FAM13A: variants seen among roughly 807,000 people sequenced by gnomAD.
The protein encoded by FAM13A is protein FAM13A.
FAM13A carries 76 observed loss-of-function variants against 129.6 expected under a neutral mutation model. The ratio of observed to expected loss-of-function variants is 0.59; its 90% CI spans 0.49 to 0.71. FAM13A has a LOEUF of 0.71. Among genes scored for constraint, FAM13A ranks in the 30% least tolerant of loss-of-function variants. FAM13A has a pLI of 0.00. For missense variants in FAM13A, 1,108 were observed against 1,249.3 expected, an observed-to-expected ratio of 0.89 and a Z score of 1.70; for synonymous variants, 443 against 449.9, an observed-to-expected ratio of 0.98 and a Z score of 0.20.
chr4:89,040,834 C>T (rs1770017061), intron 1 of FAM13A, among the ~76,000 whole-genome samples: 1 of 152,110 alleles, frequency 6.6e-6, no homozygotes, highest in Admixed American at 6.5e-5. Flanking sequence ...AGTCAGTGGA[C>T]TGGGAGAGGC....
At chr4:88,818,141 G>A (rs555804246) in intron 7 of FAM13A, among the ~76,000 whole-genome samples, 2 of 134,034 alleles carry the variant, frequency 1.5e-5, no homozygotes, top group East Asian at 2.4e-4. Context: ...ATGCCAGCAC[G>A]CCCAGATAAT....
chr4:89,045,925 G>A (rs1317151198), intron 1 of FAM13A, among the ~76,000 whole-genome samples: 2 of 151,406 alleles, frequency 1.3e-5, no homozygotes, highest in African/African-American at 4.9e-5. Flanking sequence ...TCGGGAGGCT[G>A]AGGCACAAGA....
intron 3 of FAM13A, among the ~76,000 whole-genome samples, chr4:88,994,283 G>T (rs60706264): frequency 1.6e-3 from 247 of 152,248 alleles, no homozygotes; most frequent in African/African-American, 5.6e-3. Flanking sequence ...TTATTAGCAT[G>T]ACATTTTGCC....
At chr4:89,050,398 G>T (rs1392058867) in intron 1 of FAM13A, among the ~76,000 whole-genome samples, 1 of 151,800 alleles carries the variant, frequency 6.6e-6, no homozygotes. Context: ...TAGAGATGGG[G>T]TTTTGTCATG....
In FAM13A at chr4:88,749,780, C is replaced by G; in HGVS notation, c.2070G>C (p.Lys690Asn). The G allele has an allele frequency of 6.2e-7, 1 of 1,614,114 alleles. No individual in the cohort carries two copies. Among genetic ancestry groups the G allele is most frequent in the African/African-American group, 1.3e-5 (1 of 75,048 alleles). Residue 690 changes from lysine (K) to asparagine (N), a missense_variant, in exon 16 of 24, where the codon AAG becomes AAC. Lys to Asn is a moderately conservative substitution (Grantham distance 94). Transcript: ENST00000264344. ...RKFEDRFEEE[K>N]KYRPSHSDKA... ...GTGAGGGGACACTTACTCTGTACTT[C>G]TTCTCTTCTTCGAATCTATCTTCAA... is the stretch of plus-strand genomic sequence containing the variant.
intron 19 of FAM13A, among the ~76,000 whole-genome samples, chr4:88,739,786 C>CAAA (rs34007551): frequency 0.18 from 12,133 of 67,564 alleles, 1,288 homozygotes; most frequent in East Asian, 0.31. Context: ...GACTCTGTCT[C>CAAA]AAAAAAAAAA....
At chr4:88,971,040 C>G (rs1347248719) in intron 4 of FAM13A, among the ~76,000 whole-genome samples, 1 of 152,146 alleles carries the variant, frequency 6.6e-6, no homozygotes, top group African/African-American at 2.4e-5. Flanking sequence ...AACCCCATCT[C>G]TACTAAAAAT....
intron 5 of FAM13A, among the ~76,000 whole-genome samples, chr4:88,927,284 A>C (rs1752354861): frequency 6.6e-6 from 1 of 151,946 alleles, no homozygotes; most frequent in African/African-American, 2.4e-5. Flanking sequence ...GTATATAGAA[A>C]TGCTACTGAT....
chr4:88,982,934 T>C (rs987732720), intron 4 of FAM13A, among the ~76,000 whole-genome samples: 11 of 152,300 alleles, frequency 7.2e-5, no homozygotes, highest in African/African-American at 2.6e-4. Context: ...CTTCTGAGAC[T>C]ACACAATGTC....
intron 7 of FAM13A, among the ~76,000 whole-genome samples, chr4:88,815,446 G>T (rs1324875244): frequency 6.6e-6 from 1 of 152,098 alleles, no homozygotes; most frequent in African/African-American, 2.4e-5. Flanking sequence ...TGGTTCTGGA[G>T]TCCGTTATTT....
chr4:88,990,597 A>T (rs1762810466), intron 4 of FAM13A: 1 of 162,664 alleles, frequency 6.1e-6, no homozygotes, highest in Admixed American at 6.2e-5. Flanking sequence ...TTTTCCATCT[A>T]TTGGCAATAA....
intron 7 of FAM13A, among the ~76,000 whole-genome samples, chr4:88,837,987 G>A (rs1277032014): frequency 6.6e-6 from 1 of 152,100 alleles, no homozygotes; most frequent in Non-Finnish European, 1.5e-5. Context: ...TATTGAACAT[G>A]CACAGACTTT....
intron 6 of FAM13A, among the ~76,000 whole-genome samples, chr4:88,901,202 T>A (rs1373377588): frequency 6.6e-6 from 1 of 152,082 alleles, no homozygotes; most frequent in African/African-American, 2.4e-5. Flanking sequence ...GTAGGAGCTT[T>A]AACACTCCAC....
chr4:88,940,016 G>A, intron 4 of FAM13A, among the ~76,000 whole-genome samples: 1 of 152,208 alleles, frequency 6.6e-6, no homozygotes, highest in East Asian at 1.9e-4. Flanking sequence ...CAGTTAAGTT[G>A]TGCCCAGATT....
At chr4:88,852,634 GT>G (rs549995704) in intron 6 of FAM13A, among the ~76,000 whole-genome samples, 157 of 152,102 alleles carry the variant, frequency 1.0e-3, no homozygotes, top group African/African-American at 3.6e-3. Context: ...TCCTCCTATT[GT>G]TTATCTCTTT....
chr4:89,005,223 A>G (rs957138324), intron 3 of FAM13A, among the ~76,000 whole-genome samples: 3 of 152,216 alleles, frequency 2.0e-5, no homozygotes, highest in Admixed American at 1.3e-4. Flanking sequence ...AGCTCCATCC[A>G]TGTTCCCATG....
chr4:89,052,230 T>C (rs1771682176), intron 1 of FAM13A, among the ~76,000 whole-genome samples: 1 of 151,546 alleles, frequency 6.6e-6, no homozygotes, highest in Non-Finnish European at 1.5e-5. Flanking sequence ...GCCTAAGATG[T>C]AAGGAGGTTC....
chr4:88,870,056 T>C (rs1741086600), intron 6 of FAM13A, among the ~76,000 whole-genome samples: 1 of 152,150 alleles, frequency 6.6e-6, no homozygotes, highest in Non-Finnish European at 1.5e-5. Context: ...CTCTGAGCCT[T>C]TGATCTAAAG....
chr4:88,920,955 T>C (rs376936462), intron 5 of FAM13A, among the ~76,000 whole-genome samples: 1 of 152,014 alleles, frequency 6.6e-6, no homozygotes, highest in Non-Finnish European at 1.5e-5. Flanking sequence ...GTATCAGTGA[T>C]GGAAGATGAA....
Sources: gnomAD v4.1 joint callset for allele counts (sites outside exome capture counted in the v4.1 genomes callset) on GRCh38, gnomAD v4.1.1 for gene constraint, MANE v1.5 for transcripts, NCBI Gene and HGNC (gene_info 2026-07-23, HGNC 2026-07-21) for gene names.